The following MCCC1 variants were observed in gnomAD, a reference collection of about 807,000 sequenced individuals.
MCCC1 encodes the protein methylcrotonyl-CoA carboxylase subunit 1.
A neutral mutation model predicts 83.8 loss-of-function variants in MCCC1; 64 were observed. That is an observed-to-expected ratio of 0.76 (90% CI 0.62 to 0.94). The LOEUF (loss-of-function observed/expected upper bound fraction) is 0.94. Ranked by LOEUF, MCCC1 falls within the 40% of genes least tolerant of loss-of-function variation. The pLI is 0.00. For missense variants in MCCC1, 807 were observed against 904.7 expected (o/e 0.89, Z 1.39); for synonymous variants, 322 against 315.4 (o/e 1.02, Z -0.22).
chr3:183,088,299 C>G (rs529106036), intron 3 of MCCC1, among the ~76,000 whole-genome samples: 2 of 151,504 alleles, frequency 1.3e-5, no homozygotes, highest in South Asian at 2.1e-4. Context: ...CTCTGCCTCC[C>G]GGGTTCGAGC....
At chr3:183,026,862 A>G (rs932290158) in intron 14 of MCCC1, among the ~76,000 whole-genome samples, 5 of 152,220 alleles carry the variant, frequency 3.3e-5, no homozygotes, top group African/African-American at 1.2e-4. Flanking sequence ...CAATTATTAA[A>G]CAAATATGAA....
intron 9 of MCCC1, among the ~76,000 whole-genome samples, chr3:183,045,971 T>C (rs1303379204): frequency 6.6e-6 from 1 of 152,210 alleles, no homozygotes; most frequent in African/African-American, 2.4e-5. Flanking sequence ...CTTTTGCTGG[T>C]AACCCATTGA....
Position 183,071,368 on chromosome 3 carries a change from G to A in MCCC1, c.492-11C>T. The A allele has an allele frequency of 6.2e-7, 1 of 1,614,002 alleles. No homozygotes were observed. Among genetic ancestry groups the A allele is most frequent in the South Asian group, 1.1e-5 (1 of 91,086 alleles). On this transcript the variant is annotated splice_polypyrimidine_tract_variant and intron_variant, in intron 5 of 18. Coordinates refer to ENST00000265594, the MANE Select transcript of MCCC1 (RefSeq NM_020166.5). ...ATGGATTTGGATGTGCTTTAGAGTG[G>A]GAAAGAAAACAACATGCCCCAAATT...
At chr3:183,079,005 A>T (rs2108539939) in intron 4 of MCCC1, among the ~76,000 whole-genome samples, 1 of 152,298 alleles carries the variant, frequency 6.6e-6, no homozygotes, top group Non-Finnish European at 1.5e-5. Context: ...ACAGCGCAGG[A>T]AAGACCTGCC....
intron 13 of MCCC1, among the ~76,000 whole-genome samples, chr3:183,036,314 G>T (rs919466150): frequency 6.6e-6 from 1 of 151,968 alleles, no homozygotes; most frequent in African/African-American, 2.4e-5. Context: ...TTCAATCACA[G>T]GATGGAAAAA....
intron 7 of MCCC1, among the ~76,000 whole-genome samples, chr3:183,062,698 C>T (rs1417367665): frequency 1.4e-4 from 21 of 152,092 alleles, no homozygotes; most frequent in Admixed American, 1.4e-3. Context: ...CCTTTGGCTG[C>T]TTATAAGGGA....
At position 183,041,685 on chromosome 3, in the gene MCCC1, T is replaced by G. The variant is rs764898307; in HGVS notation, c.1149A>C (p.Glu383Asp). 5.2e-5 allele frequency: 84 copies of G among 1,614,108 alleles called. No individual in the cohort carries two copies. The highest frequency in any genetic ancestry group is 6.9e-5 in the Non-Finnish European group (81 of 1,180,042). The change falls in exon 11 of 19, where the codon GAA (glutamate) becomes GAC (aspartate). Residue 383 changes from glutamate to aspartate, a missense_variant. Transcript: ENST00000265594. ...TAGGATCTTCTGCATATATTCTAGC[T>G]TCGAAGGCATGGCCCTGCAGAGTTA... Reference protein sequence around the residue: ...EEITLQGHAFEARIYAEDPSN... With the variant: ...EEITLQGHAFDARIYAEDPSN...
chr3:183,055,336 C>T (rs1203400345), intron 8 of MCCC1, among the ~76,000 whole-genome samples: 1 of 151,894 alleles, frequency 6.6e-6, no homozygotes, highest in African/African-American at 2.4e-5. Flanking sequence ...CTTAAACCCG[C>T]GAGGCGGAGG....
chr3:183,087,763 C>T (rs914141876), intron 3 of MCCC1, among the ~76,000 whole-genome samples: 27 of 109,676 alleles, frequency 2.5e-4, no homozygotes, highest in African/African-American at 9.9e-4. Context: ...CCCAGCTACT[C>T]GGGAGGCTGA....
chr3:183,060,743 G>C (rs1437605644), intron 7 of MCCC1, among the ~76,000 whole-genome samples: 1 of 152,038 alleles, frequency 6.6e-6, no homozygotes, highest in African/African-American at 2.4e-5. Flanking sequence ...CCCCACGACA[G>C]GCCCCGGTGT....
chr3:183,031,757 C>T (rs1304190588), intron 14 of MCCC1, among the ~76,000 whole-genome samples: 1 of 151,696 alleles, frequency 6.6e-6, no homozygotes, highest in Non-Finnish European at 1.5e-5. Flanking sequence ...CTCAGCCTCC[C>T]AAAGTGCTGG....
upstream of MCCC1, among the ~76,000 whole-genome samples, chr3:183,101,934 CCT>C (rs1719316576): frequency 6.6e-6 from 1 of 152,096 alleles, no homozygotes. Context: ...CAGCTTCACT[CCT>C]GAGCCAGTGA....
At chr3:183,031,271 A>G (rs916755394) in intron 14 of MCCC1, among the ~76,000 whole-genome samples, 3 of 152,180 alleles carry the variant, frequency 2.0e-5, no homozygotes, top group African/African-American at 7.2e-5. Flanking sequence ...AATGCAAATG[A>G]AACAATCTTT....
chr3:183,070,592 G>A (rs1716589220), intron 7 of MCCC1, among the ~76,000 whole-genome samples: 1 of 152,112 alleles, frequency 6.6e-6, no homozygotes, highest in South Asian at 2.1e-4. Flanking sequence ...AATTAGCCAG[G>A]CATGGTGGGG....
At chr3:183,055,995 A>C (rs1242440746) in intron 8 of MCCC1, among the ~76,000 whole-genome samples, 1 of 152,204 alleles carries the variant, frequency 6.6e-6, no homozygotes, top group Admixed American at 6.6e-5. Context: ...GTGCCTAATG[A>C]TTATCTTAAA....
chr3:183,051,328 A>G (rs900599398), intron 9 of MCCC1, among the ~76,000 whole-genome samples: 2 of 152,184 alleles, frequency 1.3e-5, no homozygotes, highest in African/African-American at 4.8e-5. Context: ...AGACAACGAA[A>G]TATTATTCAG....
chr3:183,026,181 T>C (rs772224992), intron 14 of MCCC1, among the ~76,000 whole-genome samples: 3 of 152,124 alleles, frequency 2.0e-5, no homozygotes, highest in Admixed American at 6.5e-5. Flanking sequence ...TAGCTGGGAC[T>C]ACAGGCGTGC....
intron 1 of MCCC1, among the ~76,000 whole-genome samples, chr3:183,104,822 G>C (rs945424220): frequency 6.6e-6 from 1 of 152,188 alleles, no homozygotes; most frequent in Non-Finnish European, 1.5e-5. Flanking sequence ...AGGGGTGTGG[G>C]AATATTATCA....
At chr3:183,082,795 C>T (rs111843114) in intron 4 of MCCC1, among the ~76,000 whole-genome samples, 5,574 of 152,150 alleles carry the variant, frequency 0.037, 368 homozygotes, top group African/African-American at 0.13. Flanking sequence ...CTGGGAAACA[C>T]AGTGAGACTT....
Sources: gnomAD v4.1 joint callset for allele counts (sites outside exome capture counted in the v4.1 genomes callset) on GRCh38, gnomAD v4.1.1 for gene constraint, MANE v1.5 for transcripts, NCBI Gene and HGNC (gene_info 2026-07-23, HGNC 2026-07-21) for gene names.